The following ZZEF1 variants were observed in gnomAD, a reference collection of about 807,000 sequenced individuals.
The protein encoded by ZZEF1 is zinc finger ZZ-type and EF-hand domain-containing protein 1.
In ZZEF1, 157 loss-of-function variants were observed where a neutral mutation model predicts 342.8. That is an observed-to-expected ratio of 0.46 (90% CI 0.40 to 0.52). The LOEUF (loss-of-function observed/expected upper bound fraction) is 0.52, where lower values mean the gene tolerates loss of function less well. Ranked by LOEUF, ZZEF1 falls within the 20% of genes least tolerant of loss-of-function variation. ZZEF1 has a pLI of 0.00. For missense variants in ZZEF1, 3,480 were observed against 3,725.6 expected (o/e 0.93, Z 1.72); for synonymous variants, 1,505 against 1,429.1 (o/e 1.05, Z -1.20).
chr17:4,133,049 G>A (rs1249099753), intron 1 of ZZEF1, among the ~76,000 whole-genome samples: 1 of 152,006 alleles, frequency 6.6e-6, no homozygotes, highest in South Asian at 2.1e-4. Flanking sequence ...CGGTGGGAAC[G>A]CTACACTACC....
rs200531565 is a variant in ZZEF1, at chr17:4,074,253, C to T, written c.3582G>A (p.Gly1194=). The change falls in exon 24 of 55, where the codon GGG becomes GGA. Residue 1194 remains glycine (G), a synonymous_variant. Transcript: ENST00000381638. The part of the protein sequence containing the change: ...WGYKFTVTAC[G]LPDVAVSWGL... Reference sequence around the variant, plus strand: ...CCCAAGACACGGCAACATCGGGCAGCCCACAGGCAGTGACAGTGAATTTGT... The same window carrying T: ...CCCAAGACACGGCAACATCGGGCAGTCCACAGGCAGTGACAGTGAATTTGT... The T allele has an allele frequency of 6.8e-6, 11 of 1,614,144 alleles. No individual in the cohort carries two copies. The East Asian group carries it at 2.0e-4, about 29-fold the overall frequency.
At chr17:4,076,808 G>C in intron 20 of ZZEF1, 49 bp from the exon 21 acceptor site, 1 of 1,611,652 alleles carries the variant, frequency 6.2e-7, no homozygotes. Flanking sequence ...GGCTGGGCCT[G>C]GGGATGCAGA....
At chr17:4,121,400 G>T (rs747476000) in intron 2 of ZZEF1, among the ~76,000 whole-genome samples, 7 of 152,226 alleles carry the variant, frequency 4.6e-5, no homozygotes, top group Non-Finnish European at 1.0e-4. Context: ...AAGACAGGTG[G>T]ATCACTTGAG....
rs748180462 is a variant in ZZEF1 at position 4,034,214 on chromosome 17, G to A, written c.6385C>T (p.Leu2129=). ...AGGGTGAGATGGTAGGTTTCATTCAGGTGGCCTGCGTTTGAGATGACAACC... is the reference window on the plus strand; with the variant it reads ...AGGGTGAGATGGTAGGTTTCATTCAAGTGGCCTGCGTTTGAGATGACAACC... ...FQVVISNAGH[L]NETYHLTLGL... is the part of the protein sequence containing the mutation. Residue 2129 remains leucine, a synonymous_variant, in exon 40 of 55, where the codon CTG becomes TTG. Coordinates refer to ENST00000381638, the MANE Select transcript of ZZEF1 (RefSeq NM_015113.4). 14 of 1,614,086 alleles carry A rather than the reference G, an allele frequency of 8.7e-6. No individual in the cohort carries two copies. Among genetic ancestry groups the A allele is most frequent in the Admixed American group, 5.0e-5 (3 of 59,998 alleles).
In ZZEF1 at chr17:4,004,553, A is replaced by G. The variant is rs140700224; in HGVS notation, c.*2337T>C. 6.8e-3 allele frequency: 1,032 copies of G among 152,698 alleles called. 8 individuals are homozygous for G. Among genetic ancestry groups the G allele is most frequent in the Non-Finnish European group, 9.6e-3 (653 of 68,030 alleles). 9.5% of individuals were successfully genotyped at this position (152,698 alleles called of 1,614,324 possible). A position where few individuals can be genotyped will look rare whatever the true frequency, so the allele number is the denominator to read the frequency against. ...AACTCACTCAGGCTGATAGAATCAA[A>G]ATTCTTTCAACCAAATAAGAAAAAT... On this transcript the variant is annotated 3_prime_UTR_variant, in exon 55 of 55. Coordinates refer to ENST00000381638, the MANE Select transcript of ZZEF1 (RefSeq NM_015113.4).
intron 2 of ZZEF1, among the ~76,000 whole-genome samples, chr17:4,120,082 C>T (rs546459773): frequency 1.3e-5 from 2 of 152,296 alleles, no homozygotes; most frequent in East Asian, 1.9e-4. Context: ...AAAGACCAGG[C>T]GCAGTAGCTC....
In ZZEF1 at chr17:4,050,864, T is replaced by G. The variant is rs763269631; in HGVS notation, c.5780A>C (p.Gln1927Pro). 2 of 1,614,188 alleles carry G rather than the reference T, an allele frequency of 1.2e-6. No individual in the cohort carries two copies. The highest frequency in any genetic ancestry group is 2.2e-5 in the East Asian group (1 of 44,876). Residue 1927 changes from glutamine (Q) to proline (P), a missense_variant, in exon 36 of 55, where the codon CAG becomes CCG. Physicochemically the swap from Gln to Pro is moderately conservative, Grantham distance 76. Coordinates refer to ENST00000381638, the MANE Select transcript of ZZEF1 (RefSeq NM_015113.4). ...EDVDGEKLDP[Q>P]TRSSATTLRS... ...CAGGGTGGTGGCACTGCTGCGCGTC[T>G]GGGGGTCCAGCTTCTCCCCATCCAC...
chr17:4,088,247 A>G (rs1302210401), intron 13 of ZZEF1, among the ~76,000 whole-genome samples: 2 of 152,194 alleles, frequency 1.3e-5, no homozygotes, highest in East Asian at 3.8e-4. Context: ...AAAAGTTAGA[A>G]ATCAAAAAAT....
chr17:4,115,251 T>G (rs1275123507), intron 3 of ZZEF1, among the ~76,000 whole-genome samples: 1 of 152,160 alleles, frequency 6.6e-6, no homozygotes, highest in Non-Finnish European at 1.5e-5. Context: ...GGTGTCAAAC[T>G]CCTGGCTTCA....
rs2056481006 is a variant in ZZEF1 at position 4,029,152 on chromosome 17, G to A, written c.6892+2974C>T. Among the ~76,000 whole-genome samples, 5 of 152,042 alleles carry A rather than the reference G, an allele frequency of 3.3e-5. No homozygotes were observed. In the South Asian group the frequency reaches 1.0e-3, roughly 31 times the overall value. On this transcript the variant is annotated intron_variant, in intron 42 of 54. Coordinates refer to ENST00000381638, the MANE Select transcript of ZZEF1 (RefSeq NM_015113.4). ...TATAGGATACTCCACCAACAACATAGTGCACATGCATTCTCTTCAAGTGTA... is the reference window on the plus strand; with the variant it reads ...TATAGGATACTCCACCAACAACATAATGCACATGCATTCTCTTCAAGTGTA...
At chr17:4,070,995 T>G in intron 25 of ZZEF1, 71 bp from the exon 26 acceptor site, 1 of 1,551,340 alleles carries the variant, frequency 6.4e-7, no homozygotes, top group Non-Finnish European at 8.7e-7. Flanking sequence ...GAGCAAACTA[T>G]TAGGCCAAAG....
chr17:4,069,560 G>A (rs796142932), intron 26 of ZZEF1, among the ~76,000 whole-genome samples: 4 of 152,174 alleles, frequency 2.6e-5, no homozygotes, highest in Admixed American at 2.6e-4. Context: ...GGCTGGGCGC[G>A]GTACTCACGT....
At chr17:4,045,163 ATAAG>A (rs879527402) in intron 37 of ZZEF1, among the ~76,000 whole-genome samples, 38 of 148,922 alleles carry the variant, frequency 2.6e-4, no homozygotes, top group Non-Finnish European at 4.7e-4. Flanking sequence ...CAAAAAAAAA[ATAAG>A]ATAGTAACCA....
rs145180691 is a variant in ZZEF1, at chr17:4,013,532, C to T, written c.8496G>A (p.Val2832=). The T allele has an allele frequency of 1.8e-3, 2,889 of 1,614,156 alleles. 6 individuals carry two copies. Among genetic ancestry groups the T allele is most frequent in the Admixed American group, 2.6e-3 (158 of 60,018 alleles). Residue 2832 remains valine (V), a synonymous_variant, in exon 52 of 55, where the codon GTG becomes GTA. Transcript: ENST00000381638. The stretch of plus-strand genomic sequence containing the variant: ...GGCCAGTCTGGCGACAGGCCACGCC[C>T]ACCAGCCATTCCCAAATTTTTGCCA... ...LPLAKIWEWL[V]GVACRQTGHQ...
rs947843922 is a variant in ZZEF1, at chr17:4,008,578, T to C, written c.8805+305A>G. The C allele has an allele frequency of 1.0e-4, 115 of 1,125,466 alleles. No homozygotes were observed. The highest frequency in any genetic ancestry group is 1.2e-4 in the Non-Finnish European group (113 of 918,318). The allele number at this position is 1,125,466 out of a possible 1,614,324, so 69.7% of individuals were successfully genotyped here. ...GAGAAGCAACTCACATCTAAAAATA[T>C]GTGAAATCTAACTCCACGGAAACTT... On this transcript the variant is annotated intron_variant, in intron 54 of 54. Coordinates refer to ENST00000381638, the MANE Select transcript of ZZEF1 (RefSeq NM_015113.4). The surrounding 1 kb of genome is among the most constrained non-coding windows in gnomAD (Gnocchi z 4.2).
chr17:4,073,136 C>T (rs1349539553), intron 24 of ZZEF1, among the ~76,000 whole-genome samples: 1 of 152,014 alleles, frequency 6.6e-6, no homozygotes, highest in African/African-American at 2.4e-5. Flanking sequence ...TAATAAATAT[C>T]CAGCATAGAT....
Position 4,088,672 on chromosome 17 carries a change from C to A in ZZEF1, c.2241+6G>T, listed in dbSNP as rs2057886446. On this transcript the variant is annotated splice_donor_region_variant and intron_variant, in intron 13 of 54. Transcript: ENST00000381638. ...GAATGCCGTCTAACAACTGAGGAAG[C>A]CCTACCAGGTCATGGGCGAGCTGCT... 6.2e-7 allele frequency: 1 copy of A among 1,613,072 alleles called. No individual in the cohort carries two copies. The highest frequency in any genetic ancestry group is 1.1e-5 in the South Asian group (1 of 91,006).
At chr17:4,139,299 T>C (rs2058803878) in intron 1 of ZZEF1, among the ~76,000 whole-genome samples, 1 of 151,766 alleles carries the variant, frequency 6.6e-6, no homozygotes, top group Non-Finnish European at 1.5e-5. Context: ...TGGACACCAA[T>C]GGCAGCGTAA....
intron 30 of ZZEF1, 108 bp downstream of exon 30, chr17:4,062,645 A>C: frequency 7.8e-7 from 1 of 1,274,520 alleles, no homozygotes; most frequent in South Asian, 1.7e-5. Context: ...AAAAACGTAC[A>C]TTTGTATCCT....
Sources: gnomAD v4.1 joint callset for allele counts (sites outside exome capture counted in the v4.1 genomes callset) on GRCh38, gnomAD v4.1.1 for gene constraint, Gnocchi (gnomAD v3.1) non-coding constraint, MANE v1.5 for transcripts, NCBI Gene and HGNC (gene_info 2026-07-23, HGNC 2026-07-21) for gene names.